The following IMPG1 variants were observed in gnomAD, a reference collection of about 807,000 sequenced individuals.
The protein encoded by IMPG1 is interphotoreceptor matrix proteoglycan of 150 kDa.
IMPG1 carries 85 observed loss-of-function variants against 92.0 expected under a neutral mutation model. The ratio of observed to expected loss-of-function variants is 0.92; its 90% CI spans 0.78 to 1.11. The LOEUF (loss-of-function observed/expected upper bound fraction) is 1.11, where lower values mean the gene tolerates loss of function less well. Among genes scored for constraint, IMPG1 ranks in the 50% least tolerant of loss-of-function variants. The pLI is 0.00. For synonymous variants in IMPG1, 367 were observed against 334.1 expected, an observed-to-expected ratio of 1.10 and a Z score of -1.08; for missense variants, 1,022 against 956.0, an observed-to-expected ratio of 1.07 and a Z score of -0.91.
intron 1 of IMPG1, among the ~76,000 whole-genome samples, chr6:76,065,691 T>C (rs1404484973): frequency 1.3e-5 from 2 of 152,112 alleles, no homozygotes; most frequent in Non-Finnish European, 1.5e-5. Flanking sequence ...CTAATTTTAC[T>C]AGAAATTTAG....
At chr6:76,017,088 C>G (rs1783302305) in intron 7 of IMPG1, among the ~76,000 whole-genome samples, 1 of 150,204 alleles carries the variant, frequency 6.7e-6, no homozygotes, top group Non-Finnish European at 1.5e-5. Context: ...ACAGAGCAGA[C>G]AGCACATGTA....
intron 7 of IMPG1, among the ~76,000 whole-genome samples, chr6:76,013,935 A>AT (rs1160445081): frequency 1.3e-5 from 2 of 152,178 alleles, no homozygotes; most frequent in East Asian, 1.9e-4. Context: ...TTATATACAT[A>AT]TTTTTTGTGA....
chr6:75,970,151 C>T (rs1234091248), intron 12 of IMPG1, among the ~76,000 whole-genome samples: 2 of 152,084 alleles, frequency 1.3e-5, no homozygotes, highest in African/African-American at 4.8e-5. Flanking sequence ...TCCATTTGCC[C>T]CAAGCCACTT....
In IMPG1 at chr6:76,072,417, C is replaced by G. The variant is rs752499940; in HGVS notation, c.67+5G>C. 6.7e-7 allele frequency: 1 copy of G among 1,488,436 alleles called. No homozygotes were observed. The highest frequency in any genetic ancestry group is 9.3e-7 in the Non-Finnish European group (1 of 1,074,048). The allele number at this position is 1,488,436 out of a possible 1,614,324, so 92.2% of individuals were successfully genotyped here. ...AATTTAAAAGTAAACATTTAAGTAA[C>G]TTACCTTTGGTTCCTTGAACTTGGA... On this transcript the variant is annotated splice_donor_5th_base_variant and intron_variant, in intron 1 of 16. Coordinates refer to ENST00000369950, the MANE Select transcript of IMPG1 (RefSeq NM_001563.4).
intron 1 of IMPG1, among the ~76,000 whole-genome samples, chr6:76,050,349 A>G (rs1048528128): frequency 6.6e-6 from 1 of 152,158 alleles, no homozygotes; most frequent in Non-Finnish European, 1.5e-5. Context: ...AGGCTGAGGC[A>G]TGAGAATCGC....
intron 1 of IMPG1, among the ~76,000 whole-genome samples, chr6:76,048,992 T>C (rs1415578619): frequency 6.6e-6 from 1 of 152,192 alleles, no homozygotes; most frequent in East Asian, 1.9e-4. Flanking sequence ...ATGTGGTACT[T>C]ATATACCATG....
chr6:75,924,488 TATA>T (rs556371995), intron 15 of IMPG1, among the ~76,000 whole-genome samples: 1,639 of 86,774 alleles, frequency 0.019, 77 homozygotes, highest in African/African-American at 0.072. Context: ...TATATTATAA[TATA>T]ATATAATTAT....
chr6:75,922,523 A>C (rs1406203840), intron 16 of IMPG1, among the ~76,000 whole-genome samples: 4 of 152,182 alleles, frequency 2.6e-5, no homozygotes. Flanking sequence ...GTCAACACAG[A>C]AATCCACATA....
At chr6:75,951,796 G>A (rs190701627) in intron 12 of IMPG1, among the ~76,000 whole-genome samples, 1 of 152,038 alleles carries the variant, frequency 6.6e-6, no homozygotes, top group East Asian at 1.9e-4. Flanking sequence ...CTCTCAATTA[G>A]CTGGGTGTAG....
chr6:76,011,560 T>A (rs1021249197), intron 7 of IMPG1, among the ~76,000 whole-genome samples: 1 of 151,598 alleles, frequency 6.6e-6, no homozygotes, highest in Admixed American at 6.6e-5. Flanking sequence ...TGAAGGAAAC[T>A]TTTTTATTTT....
chr6:75,954,837 C>G (rs1417403236), intron 12 of IMPG1, among the ~76,000 whole-genome samples: 1 of 152,156 alleles, frequency 6.6e-6, no homozygotes, highest in Non-Finnish European at 1.5e-5. Context: ...ATATGGCTAG[C>G]CAGTTTTCCC....
In IMPG1 at chr6:76,027,972, T is replaced by G. The variant is rs145122234; in HGVS notation, c.498-2714A>C. 2.2e-4 allele frequency among the ~76,000 whole-genome samples: 33 copies of G among 152,320 alleles called. No homozygotes were observed. In the East Asian group the frequency reaches 5.6e-3, roughly 26 times the overall value. The stretch of plus-strand genomic sequence containing the variant: ...TGGATAGTCCAGAGAGCCCCTAGAA[T>G]GTCCAGAAAAGAGGTAAGCAGGATT... On this transcript the variant is annotated intron_variant, in intron 4 of 16. Transcript: ENST00000369950.
intron 14 of IMPG1, among the ~76,000 whole-genome samples, chr6:75,935,562 TACC>T (rs1163456812): frequency 4.6e-5 from 7 of 152,290 alleles, no homozygotes; most frequent in Non-Finnish European, 8.8e-5. Context: ...CTTCCCCACT[TACC>T]ACCAAGGCTT....
At chr6:75,969,435 T>C (rs1017535679) in intron 12 of IMPG1, among the ~76,000 whole-genome samples, 1 of 152,150 alleles carries the variant, frequency 6.6e-6, no homozygotes, top group Non-Finnish European at 1.5e-5. Flanking sequence ...TAATTTTTAT[T>C]TGTTAATTAA....
chr6:76,043,603 A>G (rs1446343453), intron 1 of IMPG1, among the ~76,000 whole-genome samples: 1 of 152,180 alleles, frequency 6.6e-6, no homozygotes, highest in Non-Finnish European at 1.5e-5. Flanking sequence ...TGTGTAGAAT[A>G]CGGGCATCAG....
chr6:76,065,018 A>G (rs1248519548), intron 1 of IMPG1, among the ~76,000 whole-genome samples: 2 of 151,912 alleles, frequency 1.3e-5, no homozygotes, highest in East Asian at 3.9e-4. Context: ...CCAAAAGACT[A>G]TTTTTCTCCC....
At chr6:76,005,572 A>G (rs753669475) in intron 9 of IMPG1, 38 bp from the exon 10 acceptor site, 3 of 1,602,336 alleles carry the variant, frequency 1.9e-6, no homozygotes, top group East Asian at 2.2e-5. Context: ...ACCCAAAGCC[A>G]TTGTTACATG....
chr6:76,001,435 T>C (rs1395265408), intron 12 of IMPG1, among the ~76,000 whole-genome samples: 4 of 152,210 alleles, frequency 2.6e-5, no homozygotes, highest in African/African-American at 9.7e-5. Context: ...AGAGAGAAGC[T>C]CTATGTCCCC....
intron 2 of IMPG1, among the ~76,000 whole-genome samples, chr6:76,037,594 C>A (rs982615523): frequency 1.3e-5 from 2 of 152,190 alleles, no homozygotes; most frequent in African/African-American, 4.8e-5. Flanking sequence ...GGAAACAACA[C>A]TTGGATGTTT....
Sources: gnomAD v4.1 joint callset for allele counts (sites outside exome capture counted in the v4.1 genomes callset) on GRCh38, gnomAD v4.1.1 for gene constraint, MANE v1.5 for transcripts, NCBI Gene and HGNC (gene_info 2026-07-23, HGNC 2026-07-21) for gene names.